The following CGN variants were observed in gnomAD, a reference collection of about 807,000 sequenced individuals.
The protein encoded by CGN is cingulin.
Under a neutral mutation model 157.1 loss-of-function variants are expected in CGN, and 121 were observed. That is an observed-to-expected ratio of 0.77 (90% CI 0.66 to 0.90). The LOEUF (loss-of-function observed/expected upper bound fraction) is 0.90, where lower values mean the gene tolerates loss of function less well. Among genes scored for constraint, CGN ranks in the 40% least tolerant of loss-of-function variants. The probability of loss-of-function intolerance (pLI) is 0.00; values close to 1 mark genes in which losing one functional copy is unlikely to be tolerated. For synonymous variants in CGN, 535 were observed against 607.5 expected (o/e 0.88, Z 1.76); for missense variants, 1,424 against 1,520.9 (o/e 0.94, Z 1.06).
chr1:151,518,600 G>A lies in CGN; in HGVS notation c.81G>A (p.Val27=). 6.2e-7 allele frequency: 1 copy of A among 1,614,174 alleles called. No individual in the cohort carries two copies. Among genetic ancestry groups the A allele is most frequent in the Non-Finnish European group, 8.5e-7 (1 of 1,180,022 alleles). The change falls in exon 2 of 21, where the codon GTG becomes GTA. Residue 27 remains valine (V), a synonymous_variant. Coordinates refer to ENST00000271636, the MANE Select transcript of CGN (RefSeq NM_020770.3). ...AGATTCGCTTCATCACAGAGCCAGT[G>A]AGTGGTGCAGAGATGGGCACTCTAC... The part of the protein sequence containing the change: ...GVQIRFITEP[V]SGAEMGTLRR...
Position 151,517,260 on chromosome 1 carries a change from T to C in CGN, c.-14-1246T>C, listed in dbSNP as rs561560082. 9.9e-5 allele frequency among the ~76,000 whole-genome samples: 15 copies of C among 152,204 alleles called. 1 individual carries two copies. The highest frequency in any genetic ancestry group is 2.1e-4 in the Non-Finnish European group (14 of 68,040). ...CAGTAGAATGTCCACTCCTTTCTGC[T>C]CTTCCAGAGAATAGAAACTCTCCCA... is the stretch of plus-strand genomic sequence containing the variant. On this transcript the variant is annotated intron_variant, in intron 1 of 20. Coordinates refer to ENST00000271636, the MANE Select transcript of CGN (RefSeq NM_020770.3).
At chr1:151,517,467 C>T (rs1664440409) in intron 1 of CGN, among the ~76,000 whole-genome samples, 1 of 150,350 alleles carries the variant, frequency 6.7e-6, no homozygotes, top group African/African-American at 2.4e-5. Context: ...GGTGTGGGTT[C>T]TGCCTTCCCT....
intron 12 of CGN, 132 bp from the exon 13 acceptor site, chr1:151,530,350 ATTTCTTT>A (rs1664805604): frequency 8.8e-7 from 1 of 1,141,060 alleles, no homozygotes; most frequent in African/African-American, 1.6e-5. Flanking sequence ...ATGTGTCCTG[ATTTCTTT>A]GCTAGGAGCC....
chr1:151,524,401 G>A lies in CGN; in HGVS notation c.1401+43G>A. The A allele has an allele frequency of 6.2e-7, 1 of 1,607,352 alleles. No individual in the cohort carries two copies. The highest frequency in any genetic ancestry group is 1.3e-5 in the African/African-American group (1 of 74,816). ...ATGCCCCAGCCTCTGCTTTTTCTCA[G>A]TTGGAGCATCCTCAAGTCTGCTCAT... On this transcript the variant is annotated intron_variant, in intron 7 of 20. Coordinates refer to ENST00000271636, the MANE Select transcript of CGN (RefSeq NM_020770.3). This position sits in a 1 kb window ranked among gnomAD's most constrained non-coding sequence, Gnocchi z 4.4.
chr1:151,519,142 A>T lies in CGN; in HGVS notation c.623A>T (p.Gln208Leu), dbSNP rs1664482360. ...CGAACACGGATGCTACCCCCTGAAC[A>T]GCGCAAACGGAGCAAGAGCCTGGAC... ...GRRTRMLPPE[Q>L]RKRSKSLDSR... The change falls in exon 2 of 21, where the codon CAG becomes CTG. Residue 208 changes from glutamine to leucine, a missense_variant. Physicochemically the swap from Gln to Leu is moderately radical, Grantham distance 113. Around this residue, in one of 3 missense-constraint regions of CGN, gnomAD observed 1,187 missense variants for 1,217.6 expected, o/e 0.97. Coordinates refer to ENST00000271636, the MANE Select transcript of CGN (RefSeq NM_020770.3). 6.2e-7 allele frequency: 1 copy of T among 1,614,084 alleles called. No individual in the cohort carries two copies. Among genetic ancestry groups the T allele is most frequent in the African/African-American group, 1.3e-5 (1 of 75,054 alleles).
In CGN at chr1:151,518,543, T is replaced by A. The variant is rs753405468; in HGVS notation, c.24T>A (p.Ala8=). 7.5e-6 allele frequency: 12 copies of A among 1,609,608 alleles called. No homozygotes were observed. The highest frequency in any genetic ancestry group is 9.4e-6 in the Non-Finnish European group (11 of 1,176,304). The change falls in exon 2 of 21, where the codon GCT becomes GCA. Residue 8 remains alanine, a synonymous_variant. Transcript: ENST00000271636. ...TTATGGAGCAGGCACCCAACATGGC[T>A]GAGCCCCGGGGCCCCGTAGACCATG... MEQAPNM[A]EPRGPVDHGV...
intron 18 of CGN, 114 bp downstream of exon 18, chr1:151,536,012 C>A: frequency 1.2e-6 from 1 of 848,898 alleles, no homozygotes; most frequent in Admixed American, 2.1e-5. Flanking sequence ...CCAGCCTGGC[C>A]TGATCTTTAG....
intron 1 of CGN, 98 bp from the exon 2 acceptor site, chr1:151,518,408 T>G: frequency 9.8e-7 from 1 of 1,016,854 alleles, no homozygotes; most frequent in Non-Finnish European, 1.4e-6. Context: ...AATCAGTGGT[T>G]TATCTAGTAG....
At chr1:151,513,897 T>C (rs1664353550) in intron 1 of CGN, among the ~76,000 whole-genome samples, 1 of 152,152 alleles carries the variant, frequency 6.6e-6, no homozygotes, top group Non-Finnish European at 1.5e-5. Context: ...AGGAGAGCCC[T>C]GGACATGTGA....
intron 16 of CGN, among the ~76,000 whole-genome samples, 160 bp from the exon 17 acceptor site, chr1:151,535,440 G>A (rs1325619216): frequency 2.0e-5 from 3 of 152,160 alleles, no homozygotes; most frequent in Non-Finnish European, 1.5e-5. Flanking sequence ...TGCATTCTCT[G>A]GCCCCTCCCA....
chr1:151,530,188 T>A (rs971737253), intron 12 of CGN, 73 bp downstream of exon 12: 5 of 1,472,024 alleles, frequency 3.4e-6, no homozygotes, highest in Admixed American at 1.9e-5. Flanking sequence ...TAGTTAGCCA[T>A]CAGTTTCACT....
Position 151,532,544 on chromosome 1 carries a change from C to A in CGN, c.2714C>A (p.Ser905Tyr). Reference sequence around the variant, plus strand: ...TGGGCCAGTGAGGCTGAGAAGACCTCTGGAGGACTGAGCCGACTTCAGGAT... The same window carrying A: ...TGGGCCAGTGAGGCTGAGAAGACCTATGGAGGACTGAGCCGACTTCAGGAT... ...KDWASEAEKT[S>Y]GGLSRLQDEI... The change falls in exon 14 of 21, where the codon TCT becomes TAT. Residue 905 changes from serine (S) to tyrosine (Y), a missense_variant. Physicochemically the swap from Ser to Tyr is moderately radical, Grantham distance 144 (BLOSUM62 -2). This residue lies in a region of CGN where 1,187 missense variants were observed against 1,217.6 expected (regional missense o/e 0.97). Coordinates refer to ENST00000271636, the MANE Select transcript of CGN (RefSeq NM_020770.3). 1 of 1,570,726 alleles carries A rather than the reference C, an allele frequency of 6.4e-7. No homozygotes were observed. The highest frequency in any genetic ancestry group is 1.2e-5 in the South Asian group (1 of 85,404).
At chr1:151,517,997 C>A (rs1664449861) in intron 1 of CGN, among the ~76,000 whole-genome samples, 1 of 152,068 alleles carries the variant, frequency 6.6e-6, no homozygotes, top group Non-Finnish European at 1.5e-5. Flanking sequence ...CAGGTGTGCA[C>A]CACCAGGCCC....
chr1:151,523,410 C>G (rs1437278907), intron 5 of CGN, 24 bp from the exon 6 acceptor site: 7 of 1,593,816 alleles, frequency 4.4e-6, no homozygotes, highest in Non-Finnish European at 6.0e-6. Context: ...CCTCTACCTG[C>G]TGTACTCTCA....
intron 6 of CGN, 123 bp downstream of exon 6, chr1:151,523,684 A>G: frequency 2.0e-6 from 2 of 1,001,590 alleles, no homozygotes; most frequent in Middle Eastern, 3.3e-4. Context: ...TGAAAGGGGC[A>G]GTGTTGGTTT....
rs770337934 is a variant in CGN, at chr1:151,523,541, G to C, written c.1248G>C (p.Glu416Asp). 5.0e-6 allele frequency: 8 copies of C among 1,610,784 alleles called. No homozygotes were observed. The highest frequency in any genetic ancestry group is 1.7e-5 in the Admixed American group (1 of 59,298). ...LQELLERRKG[E>D]AQQSNKELQN... ...AGCTGCTGGAGAGGAGGAAGGGGGA[G>C]GCCCAGCAGAGCAACAAGGAGTGAG... Residue 416 changes from glutamate (E) to aspartate (D), a missense_variant, in exon 6 of 21, where the codon GAG (glutamate) becomes GAC (aspartate). By Grantham distance (45) the Glu-to-Asp change is conservative. Transcript: ENST00000271636.
Position 151,518,477 on chromosome 1 carries a change from C to T in CGN, c.-14-29C>T, listed in dbSNP as rs768758860. ...TTTCATAGTTTCTAGTGAAGTCTCT[C>T]AGCCTAAACTCATTTCTTCATCTTC... is the stretch of plus-strand genomic sequence containing the variant. On this transcript the variant is annotated intron_variant, in intron 1 of 20. Coordinates refer to ENST00000271636, the MANE Select transcript of CGN (RefSeq NM_020770.3). 9.1e-6 allele frequency: 14 copies of T among 1,537,606 alleles called. No homozygotes were observed. In the African/African-American group the frequency reaches 9.7e-5, roughly 11 times the overall value.
At chr1:151,514,473 C>T (rs1664364296) in intron 1 of CGN, among the ~76,000 whole-genome samples, 1 of 152,114 alleles carries the variant, frequency 6.6e-6, no homozygotes, top group Non-Finnish European at 1.5e-5. Context: ...GCTAAGAGGT[C>T]CTGTTACTGA....
At chr1:151,519,972 C>A (rs1483882321) in intron 2 of CGN, among the ~76,000 whole-genome samples, 194 bp from the exon 3 acceptor site, 1 of 152,150 alleles carries the variant, frequency 6.6e-6, no homozygotes, top group African/African-American at 2.4e-5. Context: ...CCTGTGTTGG[C>A]CTCTCCCTGG....
Sources: gnomAD v4.1 joint callset for allele counts (sites outside exome capture counted in the v4.1 genomes callset) on GRCh38, gnomAD v4.1.1 for gene constraint, gnomAD v4.1.1 regional missense constraint, Gnocchi (gnomAD v3.1) non-coding constraint, MANE v1.5 for transcripts, NCBI Gene and HGNC (gene_info 2026-07-23, HGNC 2026-07-21) for gene names.